SIRPA: variants seen among roughly 807,000 people sequenced by gnomAD.
SIRPA encodes the protein signal regulatory protein alpha.
Under a neutral mutation model 50.3 loss-of-function variants are expected in SIRPA, and 9 were observed. The observed-to-expected ratio is 0.18, with a 90% confidence interval of 0.11 to 0.31. The LOEUF is 0.31. Among genes scored for constraint, SIRPA ranks in the 10% least tolerant of loss-of-function variants. The probability of loss-of-function intolerance (pLI) is 1.00; values close to 1 mark genes in which losing one functional copy is unlikely to be tolerated. For missense variants in SIRPA, 474 were observed against 661.6 expected (o/e 0.72, Z 3.11); for synonymous variants, 265 against 284.1 (o/e 0.93, Z 0.68).
In SIRPA at chr20:1,937,178, G is replaced by A; in HGVS notation, c.1267-142G>A. 1.0e-6 allele frequency: 1 copy of A among 985,416 alleles called. No individual in the cohort carries two copies. The highest frequency in any genetic ancestry group is 1.5e-6 in the Non-Finnish European group (1 of 669,032). 61.0% of individuals were successfully genotyped at this position (985,416 alleles called of 1,614,324 possible). On this transcript the variant is annotated intron_variant, in intron 7 of 7. Coordinates refer to ENST00000358771, the MANE Select transcript of SIRPA (RefSeq NM_001040023.2). This position sits in a 1 kb window ranked among gnomAD's most constrained non-coding sequence, Gnocchi z 8.3. ...GAGGCAAGTAACGTTGGCAAGAGAT[G>A]AGGGGAACATGACTTATGGCTGAGC...
At position 1,924,060 on chromosome 20, in the gene SIRPA, T is replaced by C. The variant is rs1327528651; in HGVS notation, c.1088-704T>C. 6.6e-6 allele frequency among the ~76,000 whole-genome samples: 1 copy of C among 152,158 alleles called. No individual in the cohort carries two copies. The highest frequency in any genetic ancestry group is 2.4e-5 in the African/African-American group (1 of 41,430). ...AGTTAGCCAATGAGGTAGAGATGACTGTTGGCCCCAGTAACAGAAGAAGCA... is the reference window on the plus strand; with the variant it reads ...AGTTAGCCAATGAGGTAGAGATGACCGTTGGCCCCAGTAACAGAAGAAGCA... On this transcript the variant is annotated intron_variant, in intron 4 of 7. Transcript: ENST00000358771. This position sits in a 1 kb window ranked among gnomAD's most constrained non-coding sequence, Gnocchi z 4.5.
At chr20:1,916,941 TAGGC>T (rs1213680132) in intron 2 of SIRPA, among the ~76,000 whole-genome samples, 3 of 152,208 alleles carry the variant, frequency 2.0e-5, no homozygotes, top group African/African-American at 7.2e-5. Flanking sequence ...CCGCTGGACA[TAGGC>T]AGGGAGGGTG....
intron 6 of SIRPA, among the ~76,000 whole-genome samples, chr20:1,929,206 T>C (rs1479361299): frequency 6.6e-6 from 1 of 152,060 alleles, no homozygotes; most frequent in African/African-American, 2.4e-5. Context: ...ATCTGACTTT[T>C]GTTTTAAAAG....
intron 1 of SIRPA, among the ~76,000 whole-genome samples, chr20:1,897,369 A>T (rs920282627): frequency 2.0e-4 from 30 of 152,206 alleles, no homozygotes; most frequent in Non-Finnish European, 3.4e-4. Flanking sequence ...TGGGGAAGGG[A>T]TGAGGTGCGA....
chr20:1,908,392 C>T (rs959035964), intron 1 of SIRPA, among the ~76,000 whole-genome samples: 9 of 151,982 alleles, frequency 5.9e-5, no homozygotes, highest in Non-Finnish European at 8.8e-5. Flanking sequence ...ACCACACTCA[C>T]GTGCATGCCG....
chr20:1,909,363 G>A (rs1984745569), intron 1 of SIRPA, among the ~76,000 whole-genome samples: 1 of 152,230 alleles, frequency 6.6e-6, no homozygotes, highest in Non-Finnish European at 1.5e-5. Flanking sequence ...AAATGTGCCT[G>A]TTGGCTTCCT....
intron 2 of SIRPA, among the ~76,000 whole-genome samples, chr20:1,921,194 G>C (rs181556678): frequency 1.1e-4 from 16 of 152,316 alleles, no homozygotes; most frequent in East Asian, 1.9e-4. Flanking sequence ...TACACTGTCT[G>C]ACCTCACATG....
At chr20:1,930,457 A>T (rs949428820) in intron 6 of SIRPA, among the ~76,000 whole-genome samples, 1 of 152,246 alleles carries the variant, frequency 6.6e-6, no homozygotes, top group East Asian at 1.9e-4. Flanking sequence ...GAATGAATGG[A>T]TCAGTGCATA....
At chr20:1,900,895 G>A (rs979640186) in intron 1 of SIRPA, among the ~76,000 whole-genome samples, 2 of 152,214 alleles carry the variant, frequency 1.3e-5, no homozygotes, top group Admixed American at 1.3e-4. Flanking sequence ...GGCGATGCAC[G>A]TCGTTATCTT....
At position 1,921,435 on chromosome 20, in the gene SIRPA, G is replaced by A. The variant is rs1985642862; in HGVS notation, c.477G>A (p.Arg159=). 6.2e-7 allele frequency: 1 copy of A among 1,613,624 alleles called. No individual in the cohort carries two copies. The highest frequency in any genetic ancestry group is 1.3e-5 in the African/African-American group (1 of 74,856). The part of the protein sequence containing the change: ...SAPVVSGPAA[R]ATPQHTVSFT... ...CCGTGGTATCGGGCCCTGCGGCGAG[G>A]GCCACACCTCAGCACACAGTGAGCT... The change falls in exon 3 of 8, where the codon AGG becomes AGA. Residue 159 remains arginine (R), a synonymous_variant. Coordinates refer to ENST00000358771, the MANE Select transcript of SIRPA (RefSeq NM_001040023.2).
At chr20:1,905,260 G>A (rs762855395) in intron 1 of SIRPA, among the ~76,000 whole-genome samples, 1 of 152,124 alleles carries the variant, frequency 6.6e-6, no homozygotes, top group African/African-American at 2.4e-5. Context: ...AAATGTGTGC[G>A]CATCCTTGGC....
At position 1,915,344 on chromosome 20, in the gene SIRPA, G is replaced by A. The variant is rs17855616; in HGVS notation, c.325G>A (p.Gly109Ser). 0.37 allele frequency: 513,325 copies of A among 1,394,746 alleles called. 122,917 individuals carry two copies. The highest frequency in any genetic ancestry group is 0.68 in the East Asian group (29,273 of 43,266). 86.4% of individuals were successfully genotyped at this position (1,394,746 alleles called of 1,614,324 possible). Residue 109 changes from glycine to serine, a missense_variant, in exon 2 of 8, where the codon GGT becomes AGT. By Grantham distance (56) the Gly-to-Ser change is moderately conservative. Coordinates refer to ENST00000358771, the MANE Select transcript of SIRPA (RefSeq NM_001040023.2). ...CAACATGGACTTTTCCATCCGCATC[G>A]GTAACATCACCCCAGCAGATGCCGG... ...RNNMDFSIRI[G>S]NITPADAGTY...
rs747232534 is a variant in SIRPA, at chr20:1,936,315, C to A, written c.1267-1005C>A. ...AAGTTTGCTAAGTGGTTAATGATTG[C>A]GAACATTTATTGAAGACAGATGCTC... On this transcript the variant is annotated intron_variant, in intron 7 of 7. Transcript: ENST00000358771. The surrounding 1 kb of genome is among the most constrained non-coding windows in gnomAD (Gnocchi z 4.2). 6.6e-6 allele frequency among the ~76,000 whole-genome samples: 1 copy of A among 152,148 alleles called. No homozygotes were observed. The highest frequency in any genetic ancestry group is 1.5e-5 in the Non-Finnish European group (1 of 68,028).
intron 7 of SIRPA, among the ~76,000 whole-genome samples, chr20:1,935,098 A>G (rs940152755): frequency 2.0e-5 from 3 of 152,038 alleles, no homozygotes; most frequent in Non-Finnish European, 2.9e-5. Context: ...CCATCCCTCT[A>G]CCAGGAGCGC....
At chr20:1,935,550 T>A (rs1362041216) in intron 7 of SIRPA, among the ~76,000 whole-genome samples, 2 of 152,030 alleles carry the variant, frequency 1.3e-5, no homozygotes, top group Admixed American at 1.3e-4. Context: ...ACCCATGGGG[T>A]CCCCCCGCAG....
At chr20:1,919,989 A>AG (rs1985550131) in intron 2 of SIRPA, among the ~76,000 whole-genome samples, 1 of 152,130 alleles carries the variant, frequency 6.6e-6, no homozygotes, top group Non-Finnish European at 1.5e-5. Flanking sequence ...TAACAGTCAC[A>AG]GGGGTCATTT....
Position 1,934,822 on chromosome 20 carries a change from T to C in SIRPA, c.1266+68T>C. The C allele has an allele frequency of 6.5e-7, 1 of 1,541,600 alleles. No individual in the cohort carries two copies. The highest frequency in any genetic ancestry group is 9.0e-7 in the Non-Finnish European group (1 of 1,114,486). ...CGTGGTTGCTTCACATCAACCGGAA[T>C]TGCAGATCTGGTTCTAAATTAAGAC... On this transcript the variant is annotated intron_variant, in intron 7 of 7. Transcript: ENST00000358771. The surrounding 1 kb of genome is among the most constrained non-coding windows in gnomAD (Gnocchi z 4.6).
intron 1 of SIRPA, among the ~76,000 whole-genome samples, chr20:1,909,471 T>C (rs1199930856): frequency 2.0e-5 from 3 of 152,232 alleles, no homozygotes. Context: ...AAGTTGATTT[T>C]TTTTTCTATT....
At chr20:1,895,890 C>T (rs909970200) in intron 1 of SIRPA, among the ~76,000 whole-genome samples, 3 of 152,218 alleles carry the variant, frequency 2.0e-5, no homozygotes, top group African/African-American at 4.8e-5. Flanking sequence ...TCCCCAGAAT[C>T]TGTCCCCATG....
Sources: allele counts gnomAD v4.1 joint callset (sites outside exome capture counted in the v4.1 genomes callset), GRCh38; gene constraint gnomAD v4.1.1; non-coding constraint Gnocchi (gnomAD v3.1); transcripts MANE v1.5; gene names NCBI Gene and HGNC (gene_info 2026-07-23, HGNC 2026-07-21).